KIRREL3: variants seen among roughly 807,000 people sequenced by gnomAD.
KIRREL3 encodes the protein kin of IRRE-like protein 3.
Under a neutral mutation model 89.7 loss-of-function variants are expected in KIRREL3, and 36 were observed. The observed-to-expected ratio is 0.40, with a 90% CI of 0.31 to 0.53. The LOEUF (loss-of-function observed/expected upper bound fraction) is 0.53. Among genes scored for constraint, KIRREL3 ranks in the 20% least tolerant of loss-of-function variants. The pLI is 0.49. For missense variants in KIRREL3, 864 were observed against 1,056.6 expected (o/e 0.82, Z 2.53); for synonymous variants, 445 against 441.4 (o/e 1.01, Z -0.10).
chr11:126,508,555 G>C lies in KIRREL3; in HGVS notation c.433+12760C>G, dbSNP rs779132378. Among the ~76,000 whole-genome samples the C allele has an allele frequency of 5.3e-5, 8 of 152,170 alleles. No homozygotes were observed. Among genetic ancestry groups the C allele is most frequent in the Non-Finnish European group, 1.2e-4 (8 of 68,026 alleles). On this transcript the variant is annotated intron_variant, in intron 4 of 16. Coordinates refer to ENST00000525144, the MANE Select transcript of KIRREL3 (RefSeq NM_032531.4). This position sits in a 1 kb window ranked among gnomAD's most constrained non-coding sequence, Gnocchi z 4.9. ...CTGGGATGGTGGAAGGGTTCAAGCA[G>C]GGCTCCTGGAGTTCCCAGGGGCTAG... is the stretch of plus-strand genomic sequence containing the variant.
chr11:126,542,936 CA>C (rs1938488834), intron 2 of KIRREL3, among the ~76,000 whole-genome samples: 2 of 152,196 alleles, frequency 1.3e-5, no homozygotes, highest in South Asian at 4.1e-4. Flanking sequence ...ATATTAACCA[CA>C]ACTAACTCCG....
chr11:126,681,343 G>A (rs1946443529), intron 1 of KIRREL3, among the ~76,000 whole-genome samples: 1 of 152,200 alleles, frequency 6.6e-6, no homozygotes, highest in Admixed American at 6.5e-5. Context: ...AGTGATGATT[G>A]ATGTGCAGGA....
Position 126,574,796 on chromosome 11 carries a change from C to A in KIRREL3, c.56-11884G>T, listed in dbSNP as rs894229634. On this transcript the variant is annotated intron_variant, in intron 1 of 16. Coordinates refer to ENST00000525144, the MANE Select transcript of KIRREL3 (RefSeq NM_032531.4). This position sits in a 1 kb window ranked among gnomAD's most constrained non-coding sequence, Gnocchi z 5.3. The stretch of plus-strand genomic sequence containing the variant: ...ATGAACCACTTCCACCCTTGCCTAC[C>A]TACTCCTGCCAACCCATTCATTTGT... Among the ~76,000 whole-genome samples, 4 of 152,218 alleles carry A rather than the reference C, an allele frequency of 2.6e-5. No individual in the cohort carries two copies. Among genetic ancestry groups the A allele is most frequent in the African/African-American group, 9.7e-5 (4 of 41,448 alleles).
At chr11:126,959,539 A>G (rs989506898) in intron 1 of KIRREL3, among the ~76,000 whole-genome samples, 1 of 152,202 alleles carries the variant, frequency 6.6e-6, no homozygotes, top group Non-Finnish European at 1.5e-5. Flanking sequence ...TCCCAAGACC[A>G]CACTTATGTT....
At position 126,425,668 on chromosome 11, in the gene KIRREL3, T is replaced by C; in HGVS notation, c.1863A>G (p.Lys621=). The change falls in exon 16 of 17, where the codon AAA becomes AAG. Residue 621 remains lysine, a synonymous_variant. Transcript: ENST00000525144. The stretch of plus-strand genomic sequence containing the variant: ...GGTTCTGAAACTCTTTCTCCTCTTC[T>C]TTGAGGACCTCCAGCTGTTTCAGGA... ...DSVLKQLEVL[K]EEEKEFQNLK... 6.3e-7 allele frequency: 1 copy of C among 1,595,234 alleles called. No individual in the cohort carries two copies. Among genetic ancestry groups the C allele is most frequent in the East Asian group, 2.3e-5 (1 of 44,440 alleles).
At position 126,870,195 on chromosome 11, in the gene KIRREL3, G is replaced by A. The variant is rs923476427; in HGVS notation, c.55+130260C>T. ...TCCTGGGGCAGGGCTCCCTGTTCAC[G>A]GTCTAAAGCCACATCCTGTCTGCCC... On this transcript the variant is annotated intron_variant, in intron 1 of 16. Transcript: ENST00000525144. This position sits in a 1 kb window ranked among gnomAD's most constrained non-coding sequence, Gnocchi z 4.4. Among the ~76,000 whole-genome samples, 3 of 152,146 alleles carry A rather than the reference G, an allele frequency of 2.0e-5. No homozygotes were observed. Among genetic ancestry groups the A allele is most frequent in the African/African-American group, 7.2e-5 (3 of 41,428 alleles).
rs1951247284 is a variant in KIRREL3 at position 126,807,703 on chromosome 11, C to T, written c.55+192752G>A. On this transcript the variant is annotated intron_variant, in intron 1 of 16. Transcript: ENST00000525144. The surrounding 1 kb of genome is among the most constrained non-coding windows in gnomAD (Gnocchi z 4.3). ...TTCACCTGGATTTTGAAAAATCGTC[C>T]TTTAACCCATTTCTAGGAGGCTTCT... 6.6e-6 allele frequency among the ~76,000 whole-genome samples: 1 copy of T among 152,106 alleles called. No homozygotes were observed. Among genetic ancestry groups the T allele is most frequent in the Admixed American group, 6.5e-5 (1 of 15,270 alleles).
chr11:126,665,106 G>A (rs1358480396), intron 1 of KIRREL3, among the ~76,000 whole-genome samples: 2 of 152,124 alleles, frequency 1.3e-5, no homozygotes, highest in African/African-American at 4.8e-5. Context: ...AAAAATTGTT[G>A]TAGATTTCCT....
At chr11:126,869,124 G>C (rs547061063) in intron 1 of KIRREL3, among the ~76,000 whole-genome samples, 1 of 150,182 alleles carries the variant, frequency 6.7e-6, no homozygotes, top group South Asian at 2.1e-4. Context: ...AGCTGTTTGT[G>C]GTGAACATGG....
At position 126,455,859 on chromosome 11, in the gene KIRREL3, G is replaced by A. The variant is rs763334009; in HGVS notation, c.848+490C>T. Among the ~76,000 whole-genome samples, 22 of 151,872 alleles carry A rather than the reference G, an allele frequency of 1.4e-4. No homozygotes were observed. Among genetic ancestry groups the A allele is most frequent in the East Asian group, 3.9e-4 (2 of 5,098 alleles). ...AAACCAAACAGTGGTGCTTTTATCCGTGTTGTGAGCAAGAGACACACAGGG... is the reference window on the plus strand; with the variant it reads ...AAACCAAACAGTGGTGCTTTTATCCATGTTGTGAGCAAGAGACACACAGGG... On this transcript the variant is annotated intron_variant, in intron 7 of 16. Coordinates refer to ENST00000525144, the MANE Select transcript of KIRREL3 (RefSeq NM_032531.4). The surrounding 1 kb of genome is among the most constrained non-coding windows in gnomAD (Gnocchi z 6.4).
intron 1 of KIRREL3, among the ~76,000 whole-genome samples, chr11:126,726,185 G>A (rs979946148): frequency 6.6e-6 from 1 of 151,994 alleles, no homozygotes; most frequent in African/African-American, 2.4e-5. Context: ...CCACAAATAT[G>A]GACTTTCTTG....
In KIRREL3 at chr11:126,531,598, C is replaced by A. The variant is rs1219298473; in HGVS notation, c.134-4911G>T. ...ACCCAAGGCCCCCCCTAAGCAACCCCACCTATCATTGAAGGCCCAGTTCTC... is the reference window on the plus strand; with the variant it reads ...ACCCAAGGCCCCCCCTAAGCAACCCAACCTATCATTGAAGGCCCAGTTCTC... On this transcript the variant is annotated intron_variant, in intron 2 of 16. Transcript: ENST00000525144. This position sits in a 1 kb window ranked among gnomAD's most constrained non-coding sequence, Gnocchi z 4.7. Among the ~76,000 whole-genome samples, 1 of 151,586 alleles carries A rather than the reference C, an allele frequency of 6.6e-6. No homozygotes were observed. The highest frequency in any genetic ancestry group is 1.5e-5 in the Non-Finnish European group (1 of 67,918).
At chr11:126,827,180 A>AT (rs61491863) in intron 1 of KIRREL3, among the ~76,000 whole-genome samples, 80,817 of 148,282 alleles carry the variant, frequency 0.55, 22,180 homozygotes, top group East Asian at 0.71. Flanking sequence ...CCAGATTCAG[A>AT]TTTTTTTTTT....
rs938373107 is a variant in KIRREL3, at chr11:126,830,695, A to G, written c.55+169760T>C. 2.0e-5 allele frequency among the ~76,000 whole-genome samples: 3 copies of G among 152,198 alleles called. No homozygotes were observed. The highest frequency in any genetic ancestry group is 6.5e-5 in the Admixed American group (1 of 15,276). On this transcript the variant is annotated intron_variant, in intron 1 of 16. Coordinates refer to ENST00000525144, the MANE Select transcript of KIRREL3 (RefSeq NM_032531.4). The surrounding 1 kb of genome is among the most constrained non-coding windows in gnomAD (Gnocchi z 4.9). ...ACGCATTCATTGTCTAACTGCCTGGATGCAAAACTAACTTAGCATAGCAGC... is the reference window on the plus strand; with the variant it reads ...ACGCATTCATTGTCTAACTGCCTGGGTGCAAAACTAACTTAGCATAGCAGC...
At position 126,424,691 on chromosome 11, in the gene KIRREL3, C is replaced by T. The variant is rs750998693; in HGVS notation, c.2226G>A (p.Gln742=). The change falls in exon 17 of 17, where the codon CAG becomes CAA. Residue 742 remains glutamine (Q), a synonymous_variant. Transcript: ENST00000525144. ...SSSGKQDGYV[Q]FDKASKASAS... is the part of the protein sequence containing the mutation. ...CAGAAGCCTTGCTGGCCTTGTCGAA[C>T]TGCACATAGCCATCCTGCTTGCCGC... 1.9e-6 allele frequency: 3 copies of T among 1,614,034 alleles called. No homozygotes were observed. In the East Asian group the frequency reaches 6.7e-5, roughly 36 times the overall value.
Position 126,635,136 on chromosome 11 carries a change from T to C in KIRREL3, c.56-72224A>G, listed in dbSNP as rs1944212239. 6.6e-6 allele frequency among the ~76,000 whole-genome samples: 1 copy of C among 152,228 alleles called. No homozygotes were observed. Among genetic ancestry groups the C allele is most frequent in the African/African-American group, 2.4e-5 (1 of 41,454 alleles). ...TTGCTCAATGAGCAGGATTGAACCTTGAACCCAACAAAAGGGTCTGCAGTG... is the reference window on the plus strand; with the variant it reads ...TTGCTCAATGAGCAGGATTGAACCTCGAACCCAACAAAAGGGTCTGCAGTG... On this transcript the variant is annotated intron_variant, in intron 1 of 16. Transcript: ENST00000525144. The surrounding 1 kb of genome is among the most constrained non-coding windows in gnomAD (Gnocchi z 4.0).
At chr11:126,446,058 G>T (rs1955785194) in intron 9 of KIRREL3, among the ~76,000 whole-genome samples, 1 of 146,888 alleles carries the variant, frequency 6.8e-6, no homozygotes. Flanking sequence ...TGAGGCAGGA[G>T]AATTACTTGA....
intron 1 of KIRREL3, among the ~76,000 whole-genome samples, chr11:126,654,800 TA>T (rs1343872438): frequency 6.6e-6 from 1 of 152,220 alleles, no homozygotes; most frequent in East Asian, 1.9e-4. Flanking sequence ...TATTTTTTTT[TA>T]TTTTTTTATT....
In KIRREL3 at chr11:126,791,788, T is replaced by C. The variant is rs537967950; in HGVS notation, c.55+208667A>G. On this transcript the variant is annotated intron_variant, in intron 1 of 16. Transcript: ENST00000525144. The surrounding 1 kb of genome is among the most constrained non-coding windows in gnomAD (Gnocchi z 4.8). ...ATTTCTAGAAGACTTCCTTTGCTTG[T>C]AGACACCTTTTAGCAGGTGGAGGGA... Among the ~76,000 whole-genome samples, 2 of 152,212 alleles carry C rather than the reference T, an allele frequency of 1.3e-5. No homozygotes were observed. The highest frequency in any genetic ancestry group is 2.9e-5 in the Non-Finnish European group (2 of 67,992).
Sources: gnomAD v4.1 joint callset for allele counts (sites outside exome capture counted in the v4.1 genomes callset) on GRCh38, gnomAD v4.1.1 for gene constraint, Gnocchi (gnomAD v3.1) non-coding constraint, MANE v1.5 for transcripts, NCBI Gene and HGNC (gene_info 2026-07-23, HGNC 2026-07-21) for gene names.